Variants in FBXO8 observed in about 807,000 individuals in gnomAD.
The protein encoded by FBXO8 is F-box protein 8, also known as F-box only protein 8.
FBXO8 carries 15 observed loss-of-function variants against 33.4 expected under a neutral mutation model. The observed-to-expected ratio is 0.45, with a 90% CI of 0.30 to 0.69. The LOEUF (loss-of-function observed/expected upper bound fraction) is 0.69. Ranked by LOEUF, FBXO8 falls within the 30% of genes least tolerant of loss-of-function variation. The pLI is 0.08. For missense variants in FBXO8, 274 were observed against 380.3 expected (o/e 0.72, Z 2.32); for synonymous variants, 132 against 131.5 (o/e 1.00, Z -0.02).
In FBXO8 at chr4:174,274,369, A is replaced by G. The variant is rs762558693; in HGVS notation, c.-9+9041T>C. ...CTTAACCCATAGTAGGTAGTTTACA[A>G]TAAAAGGTAGTTTCGTACTCATCCC... is the stretch of plus-strand genomic sequence containing the variant. On this transcript the variant is annotated intron_variant, in intron 1 of 5. Coordinates refer to ENST00000393674, the MANE Select transcript of FBXO8 (RefSeq NM_012180.3). The surrounding 1 kb of genome is among the most constrained non-coding windows in gnomAD (Gnocchi z 4.0). Among the ~76,000 whole-genome samples the G allele has an allele frequency of 1.3e-5, 2 of 152,246 alleles. No individual in the cohort carries two copies. Among genetic ancestry groups the G allele is most frequent in the Non-Finnish European group, 2.9e-5 (2 of 68,042 alleles).
At chr4:174,282,436 G>A (rs1287070959) in intron 1 of FBXO8, among the ~76,000 whole-genome samples, 2 of 152,268 alleles carry the variant, frequency 1.3e-5, no homozygotes, top group Non-Finnish European at 2.9e-5. Context: ...AACTAATGAA[G>A]TACCTCATCA....
At chr4:174,279,003 A>C (rs1737013751) in intron 1 of FBXO8, among the ~76,000 whole-genome samples, 1 of 151,996 alleles carries the variant, frequency 6.6e-6, no homozygotes, top group Non-Finnish European at 1.5e-5. Context: ...GGGTTTTGAA[A>C]CTGGTGTTCC....
chr4:174,259,285 A>C lies in FBXO8; in HGVS notation c.456+414T>G, dbSNP rs906123380. Among the ~76,000 whole-genome samples, 6 of 152,212 alleles carry C rather than the reference A, an allele frequency of 3.9e-5. No homozygotes were observed. The highest frequency in any genetic ancestry group is 8.8e-5 in the Non-Finnish European group (6 of 67,936). On this transcript the variant is annotated intron_variant, in intron 3 of 5. Coordinates refer to ENST00000393674, the MANE Select transcript of FBXO8 (RefSeq NM_012180.3). The surrounding 1 kb of genome is among the most constrained non-coding windows in gnomAD (Gnocchi z 4.3). ...GTTTTGATTTGTCAGAAAATAGAAC[A>C]ATGTCCTCAATGATTATCTTTGATA... is the stretch of plus-strand genomic sequence containing the variant.
At position 174,253,232 on chromosome 4, in the gene FBXO8, TATCATAGGATATAGTGCCAC is replaced by T. The variant is rs1736337349; in HGVS notation, c.456+6447_456+6466del. On this transcript the variant is annotated intron_variant, in intron 3 of 5. Coordinates refer to ENST00000393674, the MANE Select transcript of FBXO8 (RefSeq NM_012180.3). The surrounding 1 kb of genome is among the most constrained non-coding windows in gnomAD (Gnocchi z 4.5). ...AGTGTGATTTTTAAAAAATTACTTT[TATCATAGGATATAGTGCCAC>T]TAGAAGGAACCCCAAGACATCTCTT... 6.6e-6 allele frequency among the ~76,000 whole-genome samples: 1 copy of T among 152,300 alleles called. No individual in the cohort carries two copies. The highest frequency in any genetic ancestry group is 2.4e-5 in the African/African-American group (1 of 41,584).
rs1170825594 is a variant in FBXO8, at chr4:174,257,902, AT to A, written c.456+1796del. Among the ~76,000 whole-genome samples the A allele has an allele frequency of 6.6e-6, 1 of 152,018 alleles. No individual in the cohort carries two copies. Among genetic ancestry groups the A allele is most frequent in the South Asian group, 2.1e-4 (1 of 4,814 alleles). ...ACAATGCCTAGCTAATTTTTTAAAA[AT>A]TTTTTGTGGAGACAGGACCTCCCTA... is the stretch of plus-strand genomic sequence containing the variant. On this transcript the variant is annotated intron_variant, in intron 3 of 5. Transcript: ENST00000393674. This position sits in a 1 kb window ranked among gnomAD's most constrained non-coding sequence, Gnocchi z 4.3.
chr4:174,237,710 A>C lies in FBXO8; in HGVS notation c.773-111T>G. On this transcript the variant is annotated intron_variant, in intron 5 of 5. Coordinates refer to ENST00000393674, the MANE Select transcript of FBXO8 (RefSeq NM_012180.3). The surrounding 1 kb of genome is among the most constrained non-coding windows in gnomAD (Gnocchi z 4.4). The stretch of plus-strand genomic sequence containing the variant: ...AATTTCAAGATATCAAGATTAGCTC[A>C]TAAATACAGAGTGACCAATCCATCC... 98 of 908,584 alleles carry C rather than the reference A, an allele frequency of 1.1e-4. No individual in the cohort carries two copies. The highest frequency in any genetic ancestry group is 1.2e-4 in the Non-Finnish European group (73 of 615,110). The allele number at this position is 908,584 out of a possible 1,614,324, so 56.3% of individuals were successfully genotyped here. A position where few individuals can be genotyped will look rare whatever the true frequency, so the allele number is the denominator to read the frequency against.
rs1037386376 is a variant in FBXO8, at chr4:174,245,308, G to T, written c.457-4090C>A. On this transcript the variant is annotated intron_variant, in intron 3 of 5. Transcript: ENST00000393674. This position sits in a 1 kb window ranked among gnomAD's most constrained non-coding sequence, Gnocchi z 4.6. ...TCAATGAAAGGAAAAGTCACTATGGGATAGGACGTTTGGATAAGGTTTCCT... is the reference window on the plus strand; with the variant it reads ...TCAATGAAAGGAAAAGTCACTATGGTATAGGACGTTTGGATAAGGTTTCCT... 6.6e-6 allele frequency among the ~76,000 whole-genome samples: 1 copy of T among 151,798 alleles called. No individual in the cohort carries two copies. The highest frequency in any genetic ancestry group is 1.5e-5 in the Non-Finnish European group (1 of 67,826).
chr4:174,242,742 C>T (rs1736069319), intron 3 of FBXO8, among the ~76,000 whole-genome samples: 1 of 151,502 alleles, frequency 6.6e-6, no homozygotes, highest in South Asian at 2.1e-4. Context: ...AACTAGAAAA[C>T]TGTTAATGCT....
chr4:174,262,978 A>G lies in FBXO8; in HGVS notation c.115T>C (p.Ser39Pro). 1 of 1,614,070 alleles carries G rather than the reference A, an allele frequency of 6.2e-7. No homozygotes were observed. Among genetic ancestry groups the G allele is most frequent in the Non-Finnish European group, 8.5e-7 (1 of 1,179,942 alleles). ...ACTTGTTTACGATGATTGGTGTTAGAAATGTTGCTCGCAGCCATTCTCCTG... is the reference window on the plus strand; with the variant it reads ...ACTTGTTTACGATGATTGGTGTTAGGAATGTTGCTCGCAGCCATTCTCCTG... The part of the protein sequence containing the change: ...QSRRMAASNI[S>P]NTNHRKQVQG... Residue 39 changes from serine to proline, a missense_variant, in exon 2 of 6, where the codon TCT (serine) becomes CCT (proline). By Grantham distance (74) the Ser-to-Pro change is moderately conservative (BLOSUM62 -1). Around this residue, in one of 2 missense-constraint regions of FBXO8, gnomAD observed 88 missense variants for 86.9 expected, o/e 1.01. Coordinates refer to ENST00000393674, the MANE Select transcript of FBXO8 (RefSeq NM_012180.3). This position sits in a 1 kb window ranked among gnomAD's most constrained non-coding sequence, Gnocchi z 4.6.
At chr4:174,282,792 C>A (rs1190496927) in intron 1 of FBXO8, among the ~76,000 whole-genome samples, 1 of 151,868 alleles carries the variant, frequency 6.6e-6, no homozygotes, top group Non-Finnish European at 1.5e-5. Context: ...TCATACAGAA[C>A]CTAAAAATAA....
In FBXO8 at chr4:174,274,118, C is replaced by T. The variant is rs149341100; in HGVS notation, c.-9+9292G>A. On this transcript the variant is annotated intron_variant, in intron 1 of 5. Transcript: ENST00000393674. The surrounding 1 kb of genome is among the most constrained non-coding windows in gnomAD (Gnocchi z 4.0). ...CACTGGTTCTCATCTCTTTTTACCCCGTCACTGTTTATTACCTCCATCGTT... is the reference window on the plus strand; with the variant it reads ...CACTGGTTCTCATCTCTTTTTACCCTGTCACTGTTTATTACCTCCATCGTT... 9.5e-3 allele frequency among the ~76,000 whole-genome samples: 1,444 copies of T among 152,298 alleles called. 8 individuals carry two copies. The highest frequency in any genetic ancestry group is 0.017 in the Middle Eastern group (5 of 294).
rs1368524914 is a variant in FBXO8, at chr4:174,263,827, C to T, written c.-8-727G>A. On this transcript the variant is annotated intron_variant, in intron 1 of 5. Transcript: ENST00000393674. The surrounding 1 kb of genome is among the most constrained non-coding windows in gnomAD (Gnocchi z 4.2). ...CTTCAGAAGTACCTGGGAAAAGACA[C>T]CAGAAGAAAGGTGTGCTCTAGTCTC... Among the ~76,000 whole-genome samples the T allele has an allele frequency of 6.6e-6, 1 of 152,140 alleles. No individual in the cohort carries two copies. Among genetic ancestry groups the T allele is most frequent in the Non-Finnish European group, 1.5e-5 (1 of 68,008 alleles).
chr4:174,271,672 C>A (rs1579036946), intron 1 of FBXO8, among the ~76,000 whole-genome samples: 1 of 152,220 alleles, frequency 6.6e-6, no homozygotes, highest in East Asian at 1.9e-4. Flanking sequence ...ATTGGCCCAG[C>A]ATAATGGCTG....
intron 2 of FBXO8, among the ~76,000 whole-genome samples, chr4:174,260,223 T>C (rs1241905391): frequency 1.3e-5 from 2 of 151,958 alleles, no homozygotes; most frequent in African/African-American, 4.8e-5. Context: ...GTGATACAGA[T>C]AAGAAACACA....
chr4:174,237,663 T>C lies in FBXO8; in HGVS notation c.773-64A>G. 1 of 1,308,466 alleles carries C rather than the reference T, an allele frequency of 7.6e-7. No individual in the cohort carries two copies. The highest frequency in any genetic ancestry group is 1.1e-6 in the Non-Finnish European group (1 of 948,868). The allele number at this position is 1,308,466 out of a possible 1,614,324, so 81.1% of individuals were successfully genotyped here. ...TTACAAAATATGATTCCAATGGCATTATATAAGGCAAAAATGTTCATAATT... is the reference window on the plus strand; with the variant it reads ...TTACAAAATATGATTCCAATGGCATCATATAAGGCAAAAATGTTCATAATT... On this transcript the variant is annotated intron_variant, in intron 5 of 5. Transcript: ENST00000393674. The surrounding 1 kb of genome is among the most constrained non-coding windows in gnomAD (Gnocchi z 4.4).
In FBXO8 at chr4:174,267,397, G is replaced by T. The variant is rs1375183696; in HGVS notation, c.-8-4297C>A. On this transcript the variant is annotated intron_variant, in intron 1 of 5. Coordinates refer to ENST00000393674, the MANE Select transcript of FBXO8 (RefSeq NM_012180.3). The surrounding 1 kb of genome is among the most constrained non-coding windows in gnomAD (Gnocchi z 4.7). ...CCCGTTTCAACAAAATACAAAAAAA[G>T]TTAGCTAGGTGCGATGGTGCATACC... 6.6e-6 allele frequency among the ~76,000 whole-genome samples: 1 copy of T among 151,948 alleles called. No homozygotes were observed. The highest frequency in any genetic ancestry group is 2.4e-5 in the African/African-American group (1 of 41,376).
Position 174,237,183 on chromosome 4 carries a change from T to C in FBXO8, c.*229A>G. The C allele has an allele frequency of 2.2e-6, 1 of 446,630 alleles. No homozygotes were observed. Among genetic ancestry groups the C allele is most frequent in the Non-Finnish European group, 4.0e-6 (1 of 248,334 alleles). 27.7% of individuals were successfully genotyped at this position (446,630 alleles called of 1,614,324 possible). ...TAACAGCTGTGTTAGACAGTGGCTCTGCTTTGTGCAAAACGTGATAAACAA... is the reference window on the plus strand; with the variant it reads ...TAACAGCTGTGTTAGACAGTGGCTCCGCTTTGTGCAAAACGTGATAAACAA... On this transcript the variant is annotated 3_prime_UTR_variant, in exon 6 of 6. Coordinates refer to ENST00000393674, the MANE Select transcript of FBXO8 (RefSeq NM_012180.3). The surrounding 1 kb of genome is among the most constrained non-coding windows in gnomAD (Gnocchi z 4.4).
intron 3 of FBXO8, among the ~76,000 whole-genome samples, chr4:174,250,550 G>T (rs1242939608): frequency 6.6e-6 from 1 of 151,932 alleles, no homozygotes; most frequent in Admixed American, 6.6e-5. Context: ...AGAAATCTTA[G>T]GAATTTTGTT....
rs534907553 is a variant in FBXO8 at position 174,252,247 on chromosome 4, G to A, written c.456+7452C>T. Among the ~76,000 whole-genome samples, 10 of 152,212 alleles carry A rather than the reference G, an allele frequency of 6.6e-5. No homozygotes were observed. The South Asian group carries it at 1.9e-3, about 28-fold the overall frequency. On this transcript the variant is annotated intron_variant, in intron 3 of 5. Transcript: ENST00000393674. The surrounding 1 kb of genome is among the most constrained non-coding windows in gnomAD (Gnocchi z 5.1). ...GTCTCCCAAATTGCTAGGATGACAG[G>A]TGTGAGCCACTGACTGTACCCAGTT...
Sources: gnomAD v4.1 joint callset for allele counts (sites outside exome capture counted in the v4.1 genomes callset) on GRCh38, gnomAD v4.1.1 for gene constraint, gnomAD v4.1.1 regional missense constraint, Gnocchi (gnomAD v3.1) non-coding constraint, MANE v1.5 for transcripts, NCBI Gene and HGNC (gene_info 2026-07-23, HGNC 2026-07-21) for gene names.